FAM184B: variants seen among roughly 807,000 people sequenced by gnomAD.
FAM184B encodes the protein protein FAM184B.
In FAM184B, 111 loss-of-function variants were observed where a neutral mutation model predicts 135.9. The observed-to-expected ratio is 0.82, with a 90% CI of 0.70 to 0.96. The LOEUF (loss-of-function observed/expected upper bound fraction) is 0.96. Ranked by LOEUF, FAM184B falls within the 40% of genes least tolerant of loss-of-function variation. The pLI, the probability that FAM184B is intolerant of heterozygous loss-of-function variation, is 0.00. For synonymous variants in FAM184B, 552 were observed against 524.8 expected, an observed-to-expected ratio of 1.05 and a Z score of -0.71; for missense variants, 1,375 against 1,323.9, an observed-to-expected ratio of 1.04 and a Z score of -0.60.
At chr4:17,754,389 TA>T (rs1718373823) in intron 1 of FAM184B, among the ~76,000 whole-genome samples, 1 of 151,766 alleles carries the variant, frequency 6.6e-6, no homozygotes, top group African/African-American at 2.4e-5. Flanking sequence ...CCGTCTCTAC[TA>T]AAAATACAAA....
At chr4:17,727,695 C>T (rs1482992201) in intron 1 of FAM184B, among the ~76,000 whole-genome samples, 1 of 152,164 alleles carries the variant, frequency 6.6e-6, no homozygotes, top group East Asian at 1.9e-4. Flanking sequence ...AACTCACAAT[C>T]ATGAGAACAG....
chr4:17,663,118 G>C (rs574149314), intron 8 of FAM184B, among the ~76,000 whole-genome samples: 48 of 152,098 alleles, frequency 3.2e-4, no homozygotes, highest in Admixed American at 1.3e-3. Flanking sequence ...GTATTTTTTT[G>C]TAGAGACAGG....
chr4:17,726,317 C>T (rs913857217), intron 1 of FAM184B, among the ~76,000 whole-genome samples: 5 of 152,138 alleles, frequency 3.3e-5, no homozygotes, highest in African/African-American at 9.7e-5. Flanking sequence ...CTGAAAAGCC[C>T]GAAGCCAGGG....
At chr4:17,744,459 T>TCA (rs1359692139) in intron 1 of FAM184B, among the ~76,000 whole-genome samples, 24 of 135,810 alleles carry the variant, frequency 1.8e-4, no homozygotes, top group Admixed American at 3.2e-4. Context: ...TCTCTCTCTC[T>TCA]CTCACACACA....
At chr4:17,695,204 A>C (rs1314431001) in intron 5 of FAM184B, among the ~76,000 whole-genome samples, 2 of 150,670 alleles carry the variant, frequency 1.3e-5, no homozygotes, top group Admixed American at 6.6e-5. Flanking sequence ...TGTCACCCAG[A>C]CTGGATGGAG....
chr4:17,704,894 G>T, intron 5 of FAM184B, 106 bp downstream of exon 5: 3 of 933,810 alleles, frequency 3.2e-6, no homozygotes, highest in Non-Finnish European at 4.9e-6. Context: ...TACAGAGCAG[G>T]AGCTCAGTAA....
Position 17,636,518 on chromosome 4 carries a change from A to AG in FAM184B, c.2784+9_2784+10insC. The stretch of plus-strand genomic sequence containing the variant: ...AGGTGCGTGGGTGAGGCGCCCCCTG[A>AG]CAGCCTCACCGTGAGCTGCTTGATG... On this transcript the variant is annotated intron_variant, in intron 15 of 17. Transcript: ENST00000265018. 6.5e-7 allele frequency: 1 copy of AG among 1,544,112 alleles called. No individual in the cohort carries two copies. The highest frequency in any genetic ancestry group is 1.4e-5 in the African/African-American group (1 of 72,848).
At chr4:17,766,355 T>C (rs1718690671) in intron 1 of FAM184B, among the ~76,000 whole-genome samples, 1 of 152,206 alleles carries the variant, frequency 6.6e-6, no homozygotes, top group Non-Finnish European at 1.5e-5. Flanking sequence ...GATTGGTGCA[T>C]TTACAAACCT....
At chr4:17,650,078 GTCCATCCA>G (rs34362158) in intron 11 of FAM184B, among the ~76,000 whole-genome samples, 1 of 149,214 alleles carries the variant, frequency 6.7e-6, no homozygotes, top group Admixed American at 6.7e-5. Flanking sequence ...TTGTCTGTCT[GTCCATCCA>G]TCCATCCATC....
chr4:17,716,801 C>T (rs1717408106), intron 1 of FAM184B, among the ~76,000 whole-genome samples: 1 of 152,014 alleles, frequency 6.6e-6, no homozygotes, highest in South Asian at 2.1e-4. Context: ...AATACCAGAG[C>T]TTACCCTTTA....
At chr4:17,643,749 C>T (rs923717052) in intron 12 of FAM184B, among the ~76,000 whole-genome samples, 2 of 152,202 alleles carry the variant, frequency 1.3e-5, no homozygotes, top group Admixed American at 6.5e-5. Context: ...ATTCCCATGT[C>T]CCCCGGTCCT....
At chr4:17,713,445 C>A (rs1717332947) in intron 1 of FAM184B, among the ~76,000 whole-genome samples, 1 of 152,184 alleles carries the variant, frequency 6.6e-6, no homozygotes, top group South Asian at 2.1e-4. Context: ...TTTCCGTGAC[C>A]TTCTAATGAC....
intron 11 of FAM184B, among the ~76,000 whole-genome samples, chr4:17,648,348 C>T (rs1054368722): frequency 1.3e-4 from 20 of 151,328 alleles, no homozygotes; most frequent in Non-Finnish European, 2.5e-4. Flanking sequence ...TATGTCAACT[C>T]TTTTTTATTT....
intron 1 of FAM184B, among the ~76,000 whole-genome samples, chr4:17,750,346 G>C (rs746296140): frequency 7.9e-5 from 12 of 152,128 alleles, no homozygotes; most frequent in Non-Finnish European, 1.8e-4. Flanking sequence ...TTAATTCTCA[G>C]AGATGCCAGT....
chr4:17,657,876 C>T (rs952851108), intron 10 of FAM184B, among the ~76,000 whole-genome samples: 7 of 152,054 alleles, frequency 4.6e-5, no homozygotes, highest in Admixed American at 6.5e-5. Context: ...AGGCTGGTCT[C>T]GGACTGCTGA....
chr4:17,637,591 G>C (rs1715182505), intron 14 of FAM184B, among the ~76,000 whole-genome samples: 2 of 152,210 alleles, frequency 1.3e-5, no homozygotes, highest in African/African-American at 4.8e-5. Context: ...ATGGGAGCCT[G>C]GCATATAGTA....
chr4:17,642,199 G>A lies in FAM184B; in HGVS notation c.2376C>T (p.Ser792=), dbSNP rs1261654708. 4 of 1,521,234 alleles carry A rather than the reference G, an allele frequency of 2.6e-6. No homozygotes were observed. In the African/African-American group the frequency reaches 4.2e-5, roughly 16 times the overall value. The allele number at this position is 1,521,234 out of a possible 1,614,324, so 94.2% of individuals were successfully genotyped here. A position where few individuals can be genotyped will look rare whatever the true frequency, so the allele number is the denominator to read the frequency against. The part of the protein sequence containing the change: ...EERGGPGQAG[S]PPGAAGQGSG... ...AACCCTGCCCAGCAGCGCCCGGTGG[G>A]GAGCCGGCCTGGCCCGGGCCGCCCC... Residue 792 remains serine (S), a synonymous_variant, in exon 13 of 18, where the codon TCC becomes TCT. Transcript: ENST00000265018.
chr4:17,666,845 C>A (rs148001473), intron 7 of FAM184B, among the ~76,000 whole-genome samples: 41 of 152,062 alleles, frequency 2.7e-4, no homozygotes, highest in South Asian at 1.9e-3. Flanking sequence ...GTGGCACATG[C>A]GAGTCATTAC....
At chr4:17,643,081 C>T (rs1715369647) in intron 12 of FAM184B, among the ~76,000 whole-genome samples, 1 of 152,230 alleles carries the variant, frequency 6.6e-6, no homozygotes, top group Non-Finnish European at 1.5e-5. Flanking sequence ...GGCACTCTCA[C>T]ATGCATAGCC....
Sources: gnomAD v4.1 joint callset for allele counts (sites outside exome capture counted in the v4.1 genomes callset) on GRCh38, gnomAD v4.1.1 for gene constraint, MANE v1.5 for transcripts, NCBI Gene and HGNC (gene_info 2026-07-23, HGNC 2026-07-21) for gene names.